NXPE2: variants seen among roughly 807,000 people sequenced by gnomAD.
NXPE2 encodes neurexophilin and PC-esterase domain family member 2.
Under a neutral mutation model 34.4 loss-of-function variants are expected in NXPE2, and 34 were observed. The observed-to-expected ratio is 0.99, with a 90% CI of 0.75 to 1.31. The LOEUF is 1.31. Ranked by LOEUF, NXPE2 falls within the 40% of genes most tolerant of loss-of-function variation. NXPE2 has a pLI of 0.00. For missense variants in NXPE2, 649 were observed against 672.5 expected (o/e 0.97, Z 0.39); for synonymous variants, 235 against 231.3 (o/e 1.02, Z -0.15).
the NXPE2 span, among the ~76,000 whole-genome samples, chr11:114,607,709 A>T: frequency 3.9e-5 from 6 of 151,912 alleles, 1 homozygote; most frequent in Admixed American, 3.9e-4. Flanking sequence ...CTTGGTGGAT[A>T]ATAATTGTTG....
the NXPE2 span, among the ~76,000 whole-genome samples, chr11:114,755,586 C>T: frequency 6.6e-6 from 1 of 152,204 alleles, no homozygotes; most frequent in Non-Finnish European, 1.5e-5. Context: ...TTGCAGACAG[C>T]TTGCTTACTT....
At chr11:114,718,422 A>G in the NXPE2 span, among the ~76,000 whole-genome samples, 3 of 152,222 alleles carry the variant, frequency 2.0e-5, no homozygotes, top group African/African-American at 7.2e-5. Context: ...ACTATACATC[A>G]TGCTCTTAGT....
chr11:114,621,765 C>A, the NXPE2 span, among the ~76,000 whole-genome samples: 1 of 152,048 alleles, frequency 6.6e-6, no homozygotes, highest in South Asian at 2.1e-4. Flanking sequence ...ATAGGTATTG[C>A]CTCATGGGTA....
chr11:114,479,530 C>T, the NXPE2 span, among the ~76,000 whole-genome samples: 1 of 152,024 alleles, frequency 6.6e-6, no homozygotes, highest in African/African-American at 2.4e-5. Context: ...GAGTAATGGG[C>T]TGGGTGGTGA....
the NXPE2 span, among the ~76,000 whole-genome samples, chr11:114,614,925 G>C: frequency 6.6e-6 from 1 of 150,512 alleles, no homozygotes; most frequent in African/African-American, 2.4e-5. Context: ...AGTGGATAAT[G>C]AGTATTGCCT....
the NXPE2 span, among the ~76,000 whole-genome samples, chr11:114,673,137 G>C: frequency 2.7e-5 from 4 of 149,368 alleles, no homozygotes; most frequent in Admixed American, 2.7e-4. Context: ...ATGCTCTGTG[G>C]CTATATGGAA....
upstream of NXPE2, among the ~76,000 whole-genome samples, chr11:114,678,140 CT>C (rs1323893117): frequency 6.6e-6 from 1 of 152,070 alleles, no homozygotes; most frequent in Non-Finnish European, 1.5e-5. Flanking sequence ...ATTCTCAGGC[CT>C]TCAGGAACCG....
the NXPE2 span, among the ~76,000 whole-genome samples, chr11:114,746,524 A>G: frequency 6.6e-6 from 1 of 152,184 alleles, no homozygotes; most frequent in Non-Finnish European, 1.5e-5. Flanking sequence ...TTCAGGAGCT[A>G]AGAATTCAAG....
chr11:114,621,091 T>C, the NXPE2 span, among the ~76,000 whole-genome samples: 1 of 152,202 alleles, frequency 6.6e-6, no homozygotes, highest in Non-Finnish European at 1.5e-5. Flanking sequence ...TAATAAGTAT[T>C]GGCACATGGG....
chr11:114,786,745 C>T, the NXPE2 span, among the ~76,000 whole-genome samples: 1 of 152,182 alleles, frequency 6.6e-6, no homozygotes, highest in East Asian at 1.9e-4. Context: ...TGCAGTCTGC[C>T]CTTCAACCCA....
At chr11:114,489,287 G>C in the NXPE2 span, among the ~76,000 whole-genome samples, 4 of 152,196 alleles carry the variant, frequency 2.6e-5, no homozygotes, top group African/African-American at 9.6e-5. Flanking sequence ...GGTACAAAGA[G>C]GAGCTGGTAC....
chr11:114,516,280 G>A, the NXPE2 span, among the ~76,000 whole-genome samples: 3 of 152,098 alleles, frequency 2.0e-5, no homozygotes, highest in African/African-American at 7.2e-5. Context: ...GGTGTAGTAG[G>A]GACATTCAGG....
the NXPE2 span, among the ~76,000 whole-genome samples, chr11:114,725,246 G>A: frequency 6.6e-6 from 1 of 152,074 alleles, no homozygotes; most frequent in African/African-American, 2.4e-5. Flanking sequence ...AGTATCACAA[G>A]AAAGGCTTGT....
At chr11:114,679,149 T>C (rs78275700) in intron 1 of NXPE2, among the ~76,000 whole-genome samples, 2,172 of 151,882 alleles carry the variant, frequency 0.014, 42 homozygotes, top group African/African-American at 0.05. Flanking sequence ...TAACATGGGG[T>C]GGCAACAAGC....
At chr11:114,577,478 A>G in the NXPE2 span, among the ~76,000 whole-genome samples, 1 of 152,254 alleles carries the variant, frequency 6.6e-6, no homozygotes, top group South Asian at 2.1e-4. Flanking sequence ...GTGCATCAAA[A>G]TCTCAGAAAT....
the NXPE2 span, chr11:114,530,513 C>T: frequency 6.2e-7 from 1 of 1,613,920 alleles, no homozygotes; most frequent in African/African-American, 1.3e-5. Context: ...TGAAGCTGAC[C>T]AGGTAGGTGC....
the NXPE2 span, among the ~76,000 whole-genome samples, chr11:114,535,039 G>A: frequency 2.6e-5 from 4 of 152,238 alleles, no homozygotes; most frequent in Non-Finnish European, 4.4e-5. Flanking sequence ...GAGAAAGGTC[G>A]GGTTACCCAC....
At chr11:114,498,094 T>C in the NXPE2 span, among the ~76,000 whole-genome samples, 5 of 152,110 alleles carry the variant, frequency 3.3e-5, no homozygotes, top group Non-Finnish European at 7.4e-5. Context: ...GATCTATGTA[T>C]ATCTATTTTC....
the NXPE2 span, among the ~76,000 whole-genome samples, chr11:114,568,495 C>A: frequency 6.8e-6 from 1 of 147,762 alleles, no homozygotes; most frequent in African/African-American, 2.5e-5. Context: ...TTCCCCCTCT[C>A]TTCTTCACTC....
Sources: allele counts gnomAD v4.1 joint callset (sites outside exome capture counted in the v4.1 genomes callset), GRCh38; gene constraint gnomAD v4.1.1; transcripts MANE v1.5; gene names NCBI Gene and HGNC (gene_info 2026-07-23, HGNC 2026-07-21).